The following UNC45A variants were observed in gnomAD, a reference collection of about 807,000 sequenced individuals.
UNC45A encodes unc-45 myosin chaperone A.
UNC45A carries 78 observed loss-of-function variants against 103.2 expected under a neutral mutation model. The ratio of observed to expected loss-of-function variants is 0.76; its 90% CI spans 0.63 to 0.91. UNC45A has a LOEUF of 0.91. Among genes scored for constraint, UNC45A ranks in the 40% least tolerant of loss-of-function variants. The probability of loss-of-function intolerance (pLI) is 0.00; values close to 1 mark genes in which losing one functional copy is unlikely to be tolerated. For missense variants in UNC45A, 1,193 were observed against 1,224.8 expected, an observed-to-expected ratio of 0.97 and a Z score of 0.39; for synonymous variants, 495 against 504.6, an observed-to-expected ratio of 0.98 and a Z score of 0.25.
intron 13 of UNC45A, among the ~76,000 whole-genome samples, 153 bp downstream of exon 13, chr15:90,948,947 G>C (rs542672296): frequency 6.7e-6 from 1 of 149,272 alleles, no homozygotes; most frequent in East Asian, 2.0e-4. Flanking sequence ...TGCGATCTCG[G>C]CTCACTGCAA....
chr15:90,951,128 C>T (rs1195521478), intron 17 of UNC45A, among the ~76,000 whole-genome samples: 3 of 152,182 alleles, frequency 2.0e-5, no homozygotes, highest in Non-Finnish European at 2.9e-5. Flanking sequence ...CTGCCTCAGC[C>T]TCCTGAGTAG....
chr15:90,939,923 C>T (rs868401073), intron 5 of UNC45A, 100 bp downstream of exon 5: 15 of 1,152,164 alleles, frequency 1.3e-5, no homozygotes, highest in South Asian at 2.7e-5. Flanking sequence ...CTCCTCCAAT[C>T]GTGCAGCTGG....
upstream of UNC45A, chr15:90,931,743 G>T: frequency 6.2e-7 from 1 of 1,614,120 alleles, no homozygotes; most frequent in South Asian, 1.1e-5. Flanking sequence ...AGATTGTACA[G>T]CTTGTCTGCC....
upstream of UNC45A, chr15:90,931,555 T>C: frequency 2.5e-6 from 4 of 1,614,222 alleles, no homozygotes; most frequent in Non-Finnish European, 3.4e-6. Context: ...ATTGTATTTT[T>C]ACTGTATGAA....
At chr15:90,942,336 A>C in intron 6 of UNC45A, 101 bp from the exon 7 acceptor site, 2 of 1,375,696 alleles carry the variant, frequency 1.5e-6, no homozygotes, top group Middle Eastern at 2.7e-4. Flanking sequence ...CTTCCACCCA[A>C]TTCTCTCCTT....
chr15:90,946,360 G>GT (rs1488039489), intron 9 of UNC45A, among the ~76,000 whole-genome samples: 8 of 152,100 alleles, frequency 5.3e-5, no homozygotes, highest in Non-Finnish European at 8.8e-5. Context: ...CAGAGCTTAA[G>GT]TCCAGGAAGG....
At position 90,938,573 on chromosome 15, in the gene UNC45A, C is replaced by T. The variant is rs573057723; in HGVS notation, c.427-1158C>T. 1.1e-4 allele frequency among the ~76,000 whole-genome samples: 17 copies of T among 152,140 alleles called. 1 individual carries two copies. Among genetic ancestry groups the T allele is most frequent in the Admixed American group, 7.2e-4 (11 of 15,272 alleles). On this transcript the variant is annotated intron_variant, in intron 4 of 19. Transcript: ENST00000418476. ...CTGCCATGGATGCAAGAGAGGAAGG[C>T]GGGTGGTCCACATGCTAGGCTTGTG... is the stretch of plus-strand genomic sequence containing the variant.
chr15:90,941,453 A>G (rs895146385), intron 6 of UNC45A, among the ~76,000 whole-genome samples: 1 of 152,198 alleles, frequency 6.6e-6, no homozygotes, highest in African/African-American at 2.4e-5. Flanking sequence ...AAACTGTGAA[A>G]TAGTCAATGA....
chr15:90,935,887 T>C, intron 2 of UNC45A, 59 bp from the exon 3 acceptor site: 1 of 1,611,998 alleles, frequency 6.2e-7, no homozygotes, highest in Non-Finnish European at 8.5e-7. Context: ...CCCTGCTGCC[T>C]GGTTAGTGCC....
At chr15:90,949,290 C>T (rs559096891) in intron 13 of UNC45A, 26 bp from the exon 14 acceptor site, 1 of 1,606,344 alleles carries the variant, frequency 6.2e-7, no homozygotes, top group Non-Finnish European at 8.5e-7. Flanking sequence ...GCCTAGGCCC[C>T]TCTCCTAAGC....
At position 90,945,009 on chromosome 15, in the gene UNC45A, TC is replaced by T. The variant is rs2036491794; in HGVS notation, c.1146del (p.Lys383SerfsTer53). On this transcript the variant is annotated frameshift_variant, in exon 9 of 20. Coordinates refer to ENST00000418476, the MANE Select transcript of UNC45A (RefSeq NM_018671.5). LOFTEE classifies it high-confidence loss of function. Reference protein sequence around the residue: ...SILLSKLFDDLKCDAERENFH... With the variant: ...SILLSKLFDDXKCDAERENFH... ...CTCCTCAGCAAGCTCTTTGATGACC[TC>T]AAGTGTGATGCGGAGAGGGAGAATT... 6.2e-7 allele frequency: 1 copy of T among 1,613,112 alleles called. No homozygotes were observed. Among genetic ancestry groups the T allele is most frequent in the Non-Finnish European group, 8.5e-7 (1 of 1,180,016 alleles).
intron 4 of UNC45A, 48 bp downstream of exon 4, chr15:90,936,508 G>T: frequency 6.3e-7 from 1 of 1,598,830 alleles, no homozygotes; most frequent in Non-Finnish European, 8.5e-7. Context: ...GTGGTGAAGG[G>T]GTCTGGGCCA....
intron 3 of UNC45A, 105 bp from the exon 4 acceptor site, chr15:90,936,180 C>T (rs1257957197): frequency 7.9e-6 from 12 of 1,527,404 alleles, no homozygotes; most frequent in South Asian, 2.6e-5. Context: ...GCCCCACATT[C>T]GTCCCCCCCA....
Position 90,940,535 on chromosome 15 carries a change from CTCCATCCACCCATCTG to C in UNC45A, c.687+70_687+85del. 4.5e-6 allele frequency: 7 copies of C among 1,551,876 alleles called. No homozygotes were observed. In the South Asian group the frequency reaches 8.5e-5, roughly 19 times the overall value. On this transcript the variant is annotated intron_variant, in intron 6 of 19. Coordinates refer to ENST00000418476, the MANE Select transcript of UNC45A (RefSeq NM_018671.5). ...CCTTTGTCTGTCTGTCCATCCATTC[CTCCATCCACCCATCTG>C]TCCATCCGCCCATCTGCCCGTCCAT...
At position 90,948,147 on chromosome 15, in the gene UNC45A, T is replaced by C. The variant is rs756396992; in HGVS notation, c.1601T>C (p.Leu534Pro). The C allele has an allele frequency of 2.0e-5, 33 of 1,613,940 alleles. No individual in the cohort carries two copies. The highest frequency in any genetic ancestry group is 2.5e-5 in the Non-Finnish European group (30 of 1,180,038). Reference sequence around the variant, plus strand: ...ACTATCCTGCGTGTCCCCAGGTGGCTGTGCAATGACCAGATCGACGCAGGC... The same window carrying C: ...ACTATCCTGCGTGTCCCCAGGTGGCCGTGCAATGACCAGATCGACGCAGGC... ...LKLAKQCRKW[L>P]CNDQIDAGTR... The change falls in exon 12 of 20, where the codon CTG becomes CCG. Residue 534 changes from leucine (L) to proline (P), a missense_variant. Leu to Pro is a moderately conservative substitution (Grantham distance 98). Coordinates refer to ENST00000418476, the MANE Select transcript of UNC45A (RefSeq NM_018671.5).
intron 7 of UNC45A, 95 bp downstream of exon 7, chr15:90,942,700 C>T (rs1365913286): frequency 6.3e-7 from 1 of 1,579,834 alleles, no homozygotes; most frequent in Non-Finnish European, 8.7e-7. Context: ...ACCAGACTTG[C>T]AGCTGCAGGT....
At chr15:90,945,132 G>A in intron 9 of UNC45A, 69 bp downstream of exon 9, 9 of 1,571,310 alleles carry the variant, frequency 5.7e-6, no homozygotes, top group Middle Eastern at 2.3e-4. Context: ...CTTGAGGAGG[G>A]GCAGAAATGA....
chr15:90,940,450 A>G lies in UNC45A; in HGVS notation c.664A>G (p.Ile222Val), dbSNP rs752602934. ...MLAALRTLVG[I>V]CSEHQSRTVA... ...GGCGGCTCTGCGTACGCTGGTTGGC[A>G]TTTGCTCTGAGCATCAGTCACGGGT... Residue 222 changes from isoleucine to valine, a missense_variant, in exon 6 of 20, where the codon ATT (isoleucine) becomes GTT (valine). Transcript: ENST00000418476. The G allele has an allele frequency of 6.2e-7, 1 of 1,613,758 alleles. No homozygotes were observed. Among genetic ancestry groups the G allele is most frequent in the South Asian group, 1.1e-5 (1 of 91,070 alleles).
At chr15:90,948,876 T>A (rs906742416) in intron 13 of UNC45A, 82 bp downstream of exon 13, 19 of 107,314 alleles carry the variant, frequency 1.8e-4, no homozygotes, top group Non-Finnish European at 2.2e-4. Context: ...ACAACCTCCC[T>A]TTTTTTTTTT....
Sources: gnomAD v4.1 joint callset for allele counts (sites outside exome capture counted in the v4.1 genomes callset) on GRCh38, gnomAD v4.1.1 for gene constraint, MANE v1.5 for transcripts, NCBI Gene and HGNC (gene_info 2026-07-23, HGNC 2026-07-21) for gene names.